The following DLG2 variants were observed in gnomAD, a reference collection of about 807,000 sequenced individuals.
DLG2 encodes the protein discs large MAGUK scaffold protein 2, also known as disks large homolog 2.
A neutral mutation model predicts 132.5 loss-of-function variants in DLG2; 45 were observed. The ratio of observed to expected loss-of-function variants is 0.34; its 90% CI spans 0.27 to 0.44. DLG2 has a LOEUF of 0.44. DLG2 is among the 20% of genes least tolerant of loss of function. The probability of loss-of-function intolerance (pLI) is 1.00; values close to 1 mark genes in which losing one functional copy is unlikely to be tolerated. For synonymous variants in DLG2, 424 were observed against 419.6 expected (o/e 1.01, Z -0.13); for missense variants, 1,045 against 1,196.9 (o/e 0.87, Z 1.87).
chr11:84,832,596 C>G (rs550229893), intron 6 of DLG2, among the ~76,000 whole-genome samples: 11 of 151,704 alleles, frequency 7.3e-5, no homozygotes, highest in African/African-American at 2.7e-4. Flanking sequence ...CATGGGATAA[C>G]TGTAATAATT....
intron 18 of DLG2, among the ~76,000 whole-genome samples, chr11:83,775,559 G>C (rs1424519052): frequency 6.6e-6 from 1 of 152,190 alleles, no homozygotes; most frequent in East Asian, 1.9e-4. Flanking sequence ...CCTGTAGTGA[G>C]TGCTTCATAC....
chr11:85,139,727 A>C (rs1034845684), intron 5 of DLG2, among the ~76,000 whole-genome samples: 1 of 152,040 alleles, frequency 6.6e-6, no homozygotes, highest in Admixed American at 6.6e-5. Context: ...TTAGCTCTTT[A>C]GGCTTCTTCA....
chr11:83,626,773 G>C (rs955001265), intron 19 of DLG2, among the ~76,000 whole-genome samples: 29 of 152,296 alleles, frequency 1.9e-4, no homozygotes, highest in African/African-American at 7.0e-4. Context: ...TATGCAGTGA[G>C]TCTTTCTATC....
chr11:84,975,769 G>A (rs895413685), intron 6 of DLG2, among the ~76,000 whole-genome samples: 1 of 152,090 alleles, frequency 6.6e-6, no homozygotes, highest in African/African-American at 2.4e-5. Flanking sequence ...TCTGGGCTTG[G>A]GACAAATTCA....
chr11:83,845,921 A>G (rs1402180028), intron 16 of DLG2, among the ~76,000 whole-genome samples: 2 of 152,368 alleles, frequency 1.3e-5, no homozygotes, highest in South Asian at 2.1e-4. Context: ...TAAAAATACT[A>G]GAATCACACA....
chr11:83,698,117 T>C (rs1423195888), intron 18 of DLG2, among the ~76,000 whole-genome samples: 1 of 152,212 alleles, frequency 6.6e-6, no homozygotes, highest in African/African-American at 2.4e-5. Context: ...TGATGAATAA[T>C]GTCACAGGGT....
At chr11:84,734,782 A>G (rs1346135721) in intron 6 of DLG2, among the ~76,000 whole-genome samples, 1 of 152,072 alleles carries the variant, frequency 6.6e-6, no homozygotes, top group African/African-American at 2.4e-5. Flanking sequence ...GTTTGTCATA[A>G]ATAGCTCTTA....
chr11:84,890,055 T>C (rs1216482303), intron 6 of DLG2, among the ~76,000 whole-genome samples: 1 of 152,210 alleles, frequency 6.6e-6, no homozygotes, highest in Non-Finnish European at 1.5e-5. Context: ...CTACTTGGCA[T>C]TTCAGGCCAA....
chr11:84,830,882 C>A (rs2078950878), intron 6 of DLG2, among the ~76,000 whole-genome samples: 1 of 151,080 alleles, frequency 6.6e-6, no homozygotes, highest in South Asian at 2.1e-4. Flanking sequence ...AGAATACTTG[C>A]AAGAAATAAC....
chr11:84,462,554 T>C (rs1303909172), intron 7 of DLG2, among the ~76,000 whole-genome samples: 1 of 151,112 alleles, frequency 6.6e-6, no homozygotes, highest in Non-Finnish European at 1.5e-5. Flanking sequence ...AAACAAACCC[T>C]TCATGTTTCA....
chr11:85,050,082 C>A (rs531098410), intron 6 of DLG2, among the ~76,000 whole-genome samples: 41 of 147,864 alleles, frequency 2.8e-4, no homozygotes, highest in African/African-American at 1.0e-3. Flanking sequence ...GAAGGAACTC[C>A]AACCTTCCCA....
chr11:84,997,695 TCCCTGTGAAGA>T (rs1486219224), intron 6 of DLG2: 2 of 152,216 alleles, frequency 1.3e-5, no homozygotes, highest in African/African-American at 4.8e-5. Flanking sequence ...CTTGTGTTTG[TCCCTGTGAAGA>T]CCATGAGCAA....
chr11:85,019,420 A>G (rs2059840905), intron 6 of DLG2, among the ~76,000 whole-genome samples: 1 of 152,158 alleles, frequency 6.6e-6, no homozygotes, highest in African/African-American at 2.4e-5. Flanking sequence ...ACAAGTGCCT[A>G]GGTAAAGAAA....
chr11:84,587,417 AATTT>A (rs942483285), intron 6 of DLG2, among the ~76,000 whole-genome samples: 13 of 152,142 alleles, frequency 8.5e-5, no homozygotes, highest in African/African-American at 2.9e-4. Context: ...CCTGAGCCAA[AATTT>A]ATTTATTATC....
chr11:85,447,092 C>A (rs1034158199), intron 3 of DLG2, among the ~76,000 whole-genome samples: 7 of 152,088 alleles, frequency 4.6e-5, no homozygotes, highest in African/African-American at 7.2e-5. Context: ...ACCAACTGTA[C>A]AGAAGTTCTA....
chr11:85,601,632 C>T (rs909264886), intron 2 of DLG2, among the ~76,000 whole-genome samples: 9 of 152,262 alleles, frequency 5.9e-5, no homozygotes, highest in African/African-American at 1.7e-4. Flanking sequence ...AGCCACCGTG[C>T]CAGGCTTTAA....
chr11:84,210,774 G>C (rs1420896766), intron 8 of DLG2, among the ~76,000 whole-genome samples: 1 of 152,094 alleles, frequency 6.6e-6, no homozygotes, highest in Non-Finnish European at 1.5e-5. Context: ...ATTTTTATGA[G>C]TTTAAGGAAC....
intron 19 of DLG2, among the ~76,000 whole-genome samples, chr11:83,623,098 T>C (rs1045829771): frequency 1.3e-5 from 2 of 152,176 alleles, no homozygotes; most frequent in African/African-American, 4.8e-5. Context: ...GGTGCTCCAA[T>C]GTTGGGTGTG....
chr11:84,112,353 T>C (rs1405183673), intron 9 of DLG2, among the ~76,000 whole-genome samples: 1 of 137,918 alleles, frequency 7.3e-6, no homozygotes, highest in Non-Finnish European at 1.6e-5. Flanking sequence ...TTTTTACCAC[T>C]TTTATGACTA....
Sources: allele counts gnomAD v4.1 joint callset (sites outside exome capture counted in the v4.1 genomes callset), GRCh38; gene constraint gnomAD v4.1.1; transcripts MANE v1.5; gene names NCBI Gene and HGNC (gene_info 2026-07-23, HGNC 2026-07-21).